The following RPS6KC1 variants were observed in gnomAD, a reference collection of about 807,000 sequenced individuals.
The protein encoded by RPS6KC1 is ribosomal protein S6 kinase C1, also known as inactive ribosomal protein S6 kinase delta-1.
A neutral mutation model predicts 103.8 loss-of-function variants in RPS6KC1; 54 were observed. The ratio of observed to expected loss-of-function variants is 0.52; its 90% CI spans 0.42 to 0.65. The LOEUF (loss-of-function observed/expected upper bound fraction) is 0.65, where lower values mean the gene tolerates loss of function less well. RPS6KC1 is among the 30% of genes least tolerant of loss of function. The probability of loss-of-function intolerance (pLI) is 0.00; values close to 1 mark genes in which losing one functional copy is unlikely to be tolerated. For synonymous variants in RPS6KC1, 439 were observed against 438.7 expected, an observed-to-expected ratio of 1.00 and a Z score of -0.01; for missense variants, 1,151 against 1,253.8, an observed-to-expected ratio of 0.92 and a Z score of 1.24.
the RPS6KC1 span, among the ~76,000 whole-genome samples, chr1:213,550,454 T>G: frequency 6.6e-6 from 1 of 152,130 alleles, no homozygotes; most frequent in Non-Finnish European, 1.5e-5. Context: ...AATATGTTAA[T>G]ACATCGATTC....
the RPS6KC1 span, among the ~76,000 whole-genome samples, chr1:213,712,154 G>A: frequency 9.0e-4 from 137 of 152,364 alleles, 1 homozygote; most frequent in African/African-American, 3.1e-3. Flanking sequence ...AGGAAGATGG[G>A]AGTTTTATCT....
intron 6 of RPS6KC1, among the ~76,000 whole-genome samples, chr1:213,139,491 T>C (rs1449364407): frequency 1.3e-5 from 2 of 152,110 alleles, no homozygotes; most frequent in Non-Finnish European, 2.9e-5. Context: ...CTTTTAAGTC[T>C]TTAATCCATC....
intron 7 of RPS6KC1, among the ~76,000 whole-genome samples, chr1:213,168,201 C>A (rs375107300): frequency 3.1e-4 from 47 of 152,204 alleles, no homozygotes; most frequent in Admixed American, 1.4e-3. Context: ...TCTTACTGTA[C>A]CCTTAATCTC....
At chr1:213,473,840 T>C in the RPS6KC1 span, among the ~76,000 whole-genome samples, 324 of 152,264 alleles carry the variant, frequency 2.1e-3, 2 homozygotes, top group African/African-American at 7.5e-3. Context: ...ATAGACAAGG[T>C]AGCAGAGGTT....
chr1:213,785,314 A>C, the RPS6KC1 span, among the ~76,000 whole-genome samples: 1 of 152,152 alleles, frequency 6.6e-6, no homozygotes, highest in Non-Finnish European at 1.5e-5. Context: ...ACAGACCTTT[A>C]GAAATAGGAA....
the RPS6KC1 span, among the ~76,000 whole-genome samples, chr1:213,744,904 T>C: frequency 6.6e-6 from 1 of 152,204 alleles, no homozygotes; most frequent in African/African-American, 2.4e-5. Flanking sequence ...GGGAACAGGC[T>C]CTCTGCTGAC....
chr1:213,082,772 AATGCT>A (rs905450246), intron 3 of RPS6KC1, among the ~76,000 whole-genome samples: 2 of 152,248 alleles, frequency 1.3e-5, no homozygotes, highest in African/African-American at 2.4e-5. Context: ...TTGTTTTGAA[AATGCT>A]ATCTTTCTGG....
the RPS6KC1 span, among the ~76,000 whole-genome samples, chr1:213,813,870 C>T: frequency 1.3e-5 from 2 of 152,106 alleles, no homozygotes; most frequent in African/African-American, 2.4e-5. Flanking sequence ...CTTCTCATAG[C>T]GATTAGCACT....
the RPS6KC1 span, among the ~76,000 whole-genome samples, chr1:213,680,530 G>A: frequency 6.6e-6 from 1 of 152,164 alleles, no homozygotes; most frequent in African/African-American, 2.4e-5. Flanking sequence ...ATGAATAAAT[G>A]AAGTCACTGA....
intron 4 of RPS6KC1, among the ~76,000 whole-genome samples, chr1:213,115,297 G>C (rs965215949): frequency 2.0e-5 from 3 of 151,848 alleles, no homozygotes; most frequent in African/African-American, 4.8e-5. Flanking sequence ...TGTATGTGTC[G>C]AGGAATTTAT....
chr1:213,291,450 T>C, the RPS6KC1 span, among the ~76,000 whole-genome samples: 1 of 152,384 alleles, frequency 6.6e-6, no homozygotes, highest in Admixed American at 6.5e-5. Flanking sequence ...CTGGAATTGA[T>C]CTTTCTTGTT....
chr1:213,583,228 A>C, the RPS6KC1 span, among the ~76,000 whole-genome samples: 2 of 152,238 alleles, frequency 1.3e-5, no homozygotes, highest in Non-Finnish European at 2.9e-5. Context: ...ACATTCGTGC[A>C]CAAATCTTTG....
At chr1:213,549,639 G>A in the RPS6KC1 span, among the ~76,000 whole-genome samples, 2 of 55,662 alleles carry the variant, frequency 3.6e-5, no homozygotes, top group African/African-American at 9.6e-5. Flanking sequence ...TTTTTTTTTG[G>A]TAGTCAGGGC....
intron 6 of RPS6KC1, among the ~76,000 whole-genome samples, chr1:213,132,638 G>A (rs1280174030): frequency 6.6e-6 from 1 of 152,180 alleles, no homozygotes; most frequent in African/African-American, 2.4e-5. Flanking sequence ...CTTGGGTAAA[G>A]TTTGTTCTGG....
intron 4 of RPS6KC1, 140 bp downstream of exon 4, chr1:213,104,709 G>T: frequency 1.2e-5 from 5 of 422,500 alleles, no homozygotes; most frequent in South Asian, 8.6e-5. Context: ...TAATGTTTAT[G>T]GCATATTTCC....
intron 6 of RPS6KC1, among the ~76,000 whole-genome samples, chr1:213,160,260 A>G (rs930909025): frequency 1.3e-5 from 2 of 152,244 alleles, no homozygotes; most frequent in Admixed American, 1.3e-4. Flanking sequence ...TACGGAACAC[A>G]TCATTCAAAA....
intron 1 of RPS6KC1, among the ~76,000 whole-genome samples, chr1:213,060,475 G>T (rs567086192): frequency 6.6e-6 from 1 of 152,242 alleles, no homozygotes; most frequent in East Asian, 1.9e-4. Flanking sequence ...AAGGTGTCTT[G>T]TGTTTTCTAG....
chr1:213,746,608 A>G, the RPS6KC1 span, among the ~76,000 whole-genome samples: 1 of 152,230 alleles, frequency 6.6e-6, no homozygotes, highest in Non-Finnish European at 1.5e-5. Flanking sequence ...ATCTAACTTA[A>G]ATTTTCAAAA....
At chr1:213,055,999 GTTCAAGTGTTACTCCCTCCTCAGC>G (rs1282852229) in intron 1 of RPS6KC1, among the ~76,000 whole-genome samples, 1 of 152,116 alleles carries the variant, frequency 6.6e-6, no homozygotes, top group Non-Finnish European at 1.5e-5. Context: ...GAACTCTTGG[GTTCAAGTGTTACTCCCTCCTCAGC>G]CTATTGCCTG....
Sources: gnomAD v4.1 joint callset for allele counts (sites outside exome capture counted in the v4.1 genomes callset) on GRCh38, gnomAD v4.1.1 for gene constraint, MANE v1.5 for transcripts, NCBI Gene and HGNC (gene_info 2026-07-23, HGNC 2026-07-21) for gene names.